The following GRM5 variants were observed in gnomAD, a reference collection of about 807,000 sequenced individuals.
GRM5 encodes the protein metabotropic glutamate receptor 5.
In GRM5, 19 loss-of-function variants were observed where a neutral mutation model predicts 83.1. The observed-to-expected ratio is 0.23, with a 90% confidence interval of 0.16 to 0.34. GRM5 has a LOEUF of 0.34. Ranked by LOEUF, GRM5 falls within the 10% of genes least tolerant of loss-of-function variation. The probability of loss-of-function intolerance (pLI) is 1.00; values close to 1 mark genes in which losing one functional copy is unlikely to be tolerated. For missense variants in GRM5, 1,160 were observed against 1,588.3 expected (o/e 0.73, Z 4.58); for synonymous variants, 675 against 633.6 (o/e 1.07, Z -0.98).
chr11:88,528,735 A>G (rs1941939850), intron 8 of GRM5, among the ~76,000 whole-genome samples: 2 of 152,084 alleles, frequency 1.3e-5, no homozygotes, highest in African/African-American at 4.8e-5. Flanking sequence ...ATTCAAAGTT[A>G]TAATAAAAAG....
At chr11:88,811,469 A>AC (rs1943587540) in intron 3 of GRM5, among the ~76,000 whole-genome samples, 1 of 152,028 alleles carries the variant, frequency 6.6e-6, no homozygotes, top group African/African-American at 2.4e-5. Context: ...AAAAATTATG[A>AC]CCCTGGGTTC....
At chr11:88,882,030 T>G (rs1944962137) in intron 2 of GRM5, among the ~76,000 whole-genome samples, 1 of 151,732 alleles carries the variant, frequency 6.6e-6, no homozygotes, top group South Asian at 2.1e-4. Flanking sequence ...TCACTTGAGC[T>G]CAGGACTTTG....
intron 2 of GRM5, among the ~76,000 whole-genome samples, chr11:88,941,895 T>C (rs2135666980): frequency 6.6e-6 from 1 of 152,130 alleles, no homozygotes; most frequent in African/African-American, 2.4e-5. Flanking sequence ...CTTTCTATAC[T>C]ATAAGATATT....
At chr11:88,519,835 G>A (rs1941629626) in intron 9 of GRM5, among the ~76,000 whole-genome samples, 2 of 152,138 alleles carry the variant, frequency 1.3e-5, no homozygotes, top group South Asian at 4.1e-4. Context: ...AAAATTTATT[G>A]AATGCCTATT....
chr11:88,936,645 TG>T (rs1474891190), intron 2 of GRM5, among the ~76,000 whole-genome samples: 1 of 151,822 alleles, frequency 6.6e-6, no homozygotes, highest in Non-Finnish European at 1.5e-5. Flanking sequence ...AAATATTAAT[TG>T]GATAAAAAGC....
At chr11:88,514,227 C>G (rs1342356403) in intron 9 of GRM5, among the ~76,000 whole-genome samples, 1 of 151,966 alleles carries the variant, frequency 6.6e-6, no homozygotes, top group Non-Finnish European at 1.5e-5. Context: ...ATTATTTGCT[C>G]TTTATTTCTG....
intron 3 of GRM5, among the ~76,000 whole-genome samples, chr11:88,809,636 C>A (rs1590874233): frequency 1.3e-5 from 2 of 151,854 alleles, no homozygotes; most frequent in Admixed American, 1.3e-4. Flanking sequence ...TACACTTGGG[C>A]AATTTGGGGA....
At chr11:88,760,847 AG>A (rs1942498492) in intron 3 of GRM5, among the ~76,000 whole-genome samples, 1 of 152,180 alleles carries the variant, frequency 6.6e-6, no homozygotes, top group African/African-American at 2.4e-5. Context: ...CTCATCAAAA[AG>A]CTTATCCGTC....
chr11:88,668,851 T>C (rs1417511441), intron 3 of GRM5, among the ~76,000 whole-genome samples: 2 of 152,166 alleles, frequency 1.3e-5, no homozygotes, highest in Non-Finnish European at 2.9e-5. Flanking sequence ...CAGTTTATGC[T>C]TTTATCAAGT....
Position 88,525,375 on chromosome 11 carries a change from T to G in GRM5, c.2660A>C (p.Lys887Thr). ...GGGGGTGAAACACTCTATTTCCGACTTGTGCTGGGCCAGTCTCCTGTCTTT... is the reference window on the plus strand; with the variant it reads ...GGGGGTGAAACACTCTATTTCCGACGTGTGCTGGGCCAGTCTCCTGTCTTT... ...RYKDRRLAQH[K>T]SEIECFTPKG... Residue 887 changes from lysine (K) to threonine (T), a missense_variant, in exon 9 of 10, where the codon AAG (lysine) becomes ACG (threonine). Lys to Thr is a moderately conservative substitution (Grantham distance 78, BLOSUM62 -1). This residue lies in a region of GRM5 where 562 missense variants were observed against 532.4 expected (regional missense o/e 1.06). Transcript: ENST00000305447. The G allele has an allele frequency of 6.2e-7, 1 of 1,611,788 alleles. No homozygotes were observed. The highest frequency in any genetic ancestry group is 8.5e-7 in the Non-Finnish European group (1 of 1,177,964).
chr11:88,748,852 C>T (rs1039610690), intron 3 of GRM5, among the ~76,000 whole-genome samples: 1 of 152,148 alleles, frequency 6.6e-6, no homozygotes, highest in African/African-American at 2.4e-5. Context: ...AGCAGCCCTA[C>T]AGTAGAGTGG....
intron 3 of GRM5, among the ~76,000 whole-genome samples, chr11:88,695,178 AT>A (rs1940873036): frequency 1.3e-5 from 2 of 152,214 alleles, no homozygotes; most frequent in South Asian, 4.1e-4. Flanking sequence ...CATCAAATAT[AT>A]TTTCAGAAGC....
intron 3 of GRM5, among the ~76,000 whole-genome samples, chr11:88,797,903 G>A (rs1943312811): frequency 6.6e-6 from 1 of 151,238 alleles, no homozygotes; most frequent in African/African-American, 2.4e-5. Context: ...TTTAGTTGGG[G>A]AGCTAAGAAT....
chr11:88,907,425 A>C (rs1945424197), intron 2 of GRM5, among the ~76,000 whole-genome samples: 1 of 152,188 alleles, frequency 6.6e-6, no homozygotes, highest in African/African-American at 2.4e-5. Context: ...CAAGACTGAG[A>C]GAATAAGACT....
At chr11:89,061,682 T>C (rs551885829) in intron 1 of GRM5, among the ~76,000 whole-genome samples, 2 of 152,324 alleles carry the variant, frequency 1.3e-5, no homozygotes, top group African/African-American at 2.4e-5. Context: ...ATCATGTCCA[T>C]AAGGTATACT....
At chr11:88,994,804 G>A (rs1466478733) in intron 2 of GRM5, among the ~76,000 whole-genome samples, 1 of 151,884 alleles carries the variant, frequency 6.6e-6, no homozygotes, top group Non-Finnish European at 1.5e-5. Flanking sequence ...GGGGGTTGAA[G>A]TTCTATTGAT....
rs184917133 is a variant in GRM5, at chr11:88,599,747, C to T, written c.1395-2395G>A. ...AATAACAGAAGGTCAGGCACGGTGG[C>T]TCACACCTGTAATCCCAGCACTTTG... On this transcript the variant is annotated intron_variant, in intron 5 of 9. Coordinates refer to ENST00000305447, the MANE Select transcript of GRM5 (RefSeq NM_001143831.3). 5.7e-3 allele frequency among the ~76,000 whole-genome samples: 862 copies of T among 152,282 alleles called. 1 individual carries two copies. Among genetic ancestry groups the T allele is most frequent in the Non-Finnish European group, 0.01 (684 of 68,022 alleles).
chr11:88,941,966 G>A (rs1380981413), intron 2 of GRM5, among the ~76,000 whole-genome samples: 1 of 151,992 alleles, frequency 6.6e-6, no homozygotes, highest in Non-Finnish European at 1.5e-5. Flanking sequence ...AAATTCACAT[G>A]AGGAAGACAG....
intron 2 of GRM5, among the ~76,000 whole-genome samples, chr11:88,890,636 CG>C (rs1945128766): frequency 6.6e-6 from 1 of 152,052 alleles, no homozygotes; most frequent in Non-Finnish European, 1.5e-5. Flanking sequence ...TGGTCTAAAT[CG>C]TAAAACAGAT....
Sources: allele counts gnomAD v4.1 joint callset (sites outside exome capture counted in the v4.1 genomes callset), GRCh38; gene constraint gnomAD v4.1.1; regional missense constraint gnomAD v4.1.1; transcripts MANE v1.5; gene names NCBI Gene and HGNC (gene_info 2026-07-23, HGNC 2026-07-21).